The following CNTNAP2 variants were observed in gnomAD, a reference collection of about 807,000 sequenced individuals.
The protein encoded by CNTNAP2 is contactin associated protein 2, also known as contactin-associated protein-like 2.
A neutral mutation model predicts 155.2 loss-of-function variants in CNTNAP2; 98 were observed. That is an observed-to-expected ratio of 0.63 (90% CI 0.54 to 0.75). The LOEUF (loss-of-function observed/expected upper bound fraction) is 0.75. Ranked by LOEUF, CNTNAP2 falls within the 30% of genes least tolerant of loss-of-function variation. The probability of loss-of-function intolerance (pLI) is 0.00; values close to 1 mark genes in which losing one functional copy is unlikely to be tolerated. For synonymous variants in CNTNAP2, 651 were observed against 631.2 expected (o/e 1.03, Z -0.47); for missense variants, 1,727 against 1,688.1 (o/e 1.02, Z -0.40).
chr7:147,277,735 C>T lies in CNTNAP2; in HGVS notation c.1349-22406C>T, dbSNP rs80185778. ...CAAGAAATCTGTTATTATGCCATTT[C>T]TTCCGTCTATAAAGTTCTTACTAGA... On this transcript the variant is annotated intron_variant, in intron 8 of 23. Transcript: ENST00000361727. Among the ~76,000 whole-genome samples, 3 of 151,610 alleles carry T rather than the reference C, an allele frequency of 2.0e-5. No individual in the cohort carries two copies. In the East Asian group the frequency reaches 5.8e-4, roughly 29 times the overall value.
At chr7:148,177,380 C>A (rs1794956186) in intron 18 of CNTNAP2, among the ~76,000 whole-genome samples, 2 of 152,260 alleles carry the variant, frequency 1.3e-5, no homozygotes, top group Middle Eastern at 6.8e-3. Context: ...TACACTGCCC[C>A]AAGCCAAGGA....
chr7:147,497,861 T>C (rs547171885), intron 11 of CNTNAP2, among the ~76,000 whole-genome samples: 15 of 152,324 alleles, frequency 9.8e-5, no homozygotes, highest in African/African-American at 3.6e-4. Flanking sequence ...CAAACTTTGT[T>C]AATTTATTGT....
chr7:148,410,395 C>T (rs1436294610), intron 23 of CNTNAP2, among the ~76,000 whole-genome samples: 1 of 151,918 alleles, frequency 6.6e-6, no homozygotes, highest in East Asian at 1.9e-4. Flanking sequence ...CATGGTGAAA[C>T]CCCATCTCTA....
chr7:148,358,254 T>C (rs1324317369), intron 21 of CNTNAP2, among the ~76,000 whole-genome samples: 1 of 152,088 alleles, frequency 6.6e-6, no homozygotes, highest in East Asian at 1.9e-4. Context: ...TGCTTTCTAC[T>C]AGAGATAGTC....
chr7:147,990,590 G>T (rs2116881032), intron 15 of CNTNAP2, among the ~76,000 whole-genome samples: 1 of 152,220 alleles, frequency 6.6e-6, no homozygotes, highest in Non-Finnish European at 1.5e-5. Context: ...TTTATCTTGG[G>T]GTTGGAATGT....
chr7:146,389,212 G>A (rs1000730650), intron 1 of CNTNAP2, among the ~76,000 whole-genome samples: 3 of 133,360 alleles, frequency 2.2e-5, no homozygotes, highest in African/African-American at 9.0e-5. Context: ...GGAGCAAATT[G>A]TAGGAAATAG....
intron 8 of CNTNAP2, among the ~76,000 whole-genome samples, chr7:147,148,791 G>T (rs1052847066): frequency 6.6e-6 from 1 of 151,982 alleles, no homozygotes; most frequent in Non-Finnish European, 1.5e-5. Context: ...CACTGACTTC[G>T]GGAGTGAAGC....
chr7:147,336,316 TG>T (rs1474226876), intron 9 of CNTNAP2, among the ~76,000 whole-genome samples: 2 of 152,278 alleles, frequency 1.3e-5, no homozygotes, highest in East Asian at 3.9e-4. Flanking sequence ...CTTAGAGTTT[TG>T]CTGCTTGATT....
intron 8 of CNTNAP2, among the ~76,000 whole-genome samples, chr7:147,266,809 T>A (rs1176052034): frequency 6.6e-6 from 1 of 152,230 alleles, no homozygotes; most frequent in Non-Finnish European, 1.5e-5. Context: ...CCTTGGTGCT[T>A]TATTTAAGTT....
intron 21 of CNTNAP2, among the ~76,000 whole-genome samples, chr7:148,356,511 C>T (rs1363670301): frequency 6.6e-6 from 1 of 152,206 alleles, no homozygotes; most frequent in Non-Finnish European, 1.5e-5. Context: ...CTTGGCTGAC[C>T]TCCTGCTTGA....
At chr7:147,614,510 G>A (rs1801245633) in intron 12 of CNTNAP2, among the ~76,000 whole-genome samples, 1 of 151,334 alleles carries the variant, frequency 6.6e-6, no homozygotes, top group Admixed American at 6.6e-5. Flanking sequence ...TTTGTATATT[G>A]TTCTTATATT....
rs546539637 is a variant in CNTNAP2 at position 146,521,673 on chromosome 7, C to T, written c.98-252598C>T. On this transcript the variant is annotated intron_variant, in intron 1 of 23. Coordinates refer to ENST00000361727, the MANE Select transcript of CNTNAP2 (RefSeq NM_014141.6). The stretch of plus-strand genomic sequence containing the variant: ...TATCAGACCTTTTTGAAGCATTATT[C>T]GCATTTACATTCAACAAATATTTAA... Among the ~76,000 whole-genome samples, 13 of 151,980 alleles carry T rather than the reference C, an allele frequency of 8.6e-5. No homozygotes were observed. In the South Asian group the frequency reaches 1.0e-3, roughly 12 times the overall value.
At chr7:147,439,539 A>G (rs563178724) in intron 10 of CNTNAP2, among the ~76,000 whole-genome samples, 36 of 151,962 alleles carry the variant, frequency 2.4e-4, no homozygotes, top group Non-Finnish European at 4.9e-4. Flanking sequence ...GTCTGAAAAA[A>G]AGAATGTACA....
chr7:147,851,928 T>C (rs1344359162), intron 13 of CNTNAP2, among the ~76,000 whole-genome samples: 1 of 151,804 alleles, frequency 6.6e-6, no homozygotes, highest in Admixed American at 6.6e-5. Context: ...AGAATAATAA[T>C]AAATTATTTT....
At position 146,518,790 on chromosome 7, in the gene CNTNAP2, G is replaced by A. The variant is rs542004062; in HGVS notation, c.98-255481G>A. ...AACTCTCAGTCATTCACTGAGTTGA[G>A]TTACAAGTAGAAGAGAGTGGGTAAT... On this transcript the variant is annotated intron_variant, in intron 1 of 23. Transcript: ENST00000361727. Among the ~76,000 whole-genome samples the A allele has an allele frequency of 5.9e-5, 9 of 151,928 alleles. No homozygotes were observed. In the South Asian group the frequency reaches 1.5e-3, roughly 24 times the overall value.
At chr7:148,158,782 T>C (rs10264662) in intron 17 of CNTNAP2, among the ~76,000 whole-genome samples, 20,856 of 152,242 alleles carry the variant, frequency 0.14, 1,482 homozygotes, top group East Asian at 0.24. Flanking sequence ...GACATTTTAA[T>C]GTAACGGTAC....
intron 14 of CNTNAP2, among the ~76,000 whole-genome samples, chr7:147,941,636 C>T (rs1413766720): frequency 6.6e-6 from 1 of 152,148 alleles, no homozygotes; most frequent in East Asian, 1.9e-4. Context: ...GCTCAATTGC[C>T]AGGTTTGCTT....
At chr7:146,684,685 A>G (rs866297799) in intron 1 of CNTNAP2, among the ~76,000 whole-genome samples, 1 of 138,954 alleles carries the variant, frequency 7.2e-6, no homozygotes, top group South Asian at 2.6e-4. Context: ...TCTGCCAGTT[A>G]TTGACTATGT....
intron 1 of CNTNAP2, among the ~76,000 whole-genome samples, chr7:146,225,641 A>G (rs1799281100): frequency 6.6e-6 from 1 of 152,210 alleles, no homozygotes. Flanking sequence ...GTCATGGTTC[A>G]GGCTTTGACG....
Sources: allele counts gnomAD v4.1 joint callset (sites outside exome capture counted in the v4.1 genomes callset), GRCh38; gene constraint gnomAD v4.1.1; transcripts MANE v1.5; gene names NCBI Gene and HGNC (gene_info 2026-07-23, HGNC 2026-07-21).